Variants in MAS1 observed in about 807,000 individuals in gnomAD.
MAS1 encodes the protein MAS1 proto-oncogene, G protein-coupled receptor.
For missense variants in MAS1, 387 were observed against 409.7 expected (o/e 0.94, Z 0.48); for synonymous variants, 163 against 164.2 (o/e 0.99, Z 0.05).
chr6:159,889,032 G>A (rs1327742573), upstream of MAS1, among the ~76,000 whole-genome samples: 1 of 152,028 alleles, frequency 6.6e-6, no homozygotes, highest in African/African-American at 2.4e-5. Flanking sequence ...AAAACAACTG[G>A]GGCCTTCCGC....
At chr6:159,889,696 C>T (rs926783229), upstream of MAS1, among the ~76,000 whole-genome samples, 3 of 152,208 alleles carry the variant, frequency 2.0e-5, no homozygotes, top group Non-Finnish European at 2.9e-5. Flanking sequence ...CTTGGAGCAT[C>T]AGAACCAGGT....
Position 159,909,765 on chromosome 6 carries a change from G to T in MAS1, c.*1832G>T, listed in dbSNP as rs975823153. The T allele has an allele frequency of 6.6e-6, 1 of 152,088 alleles. No homozygotes were observed. Among genetic ancestry groups the T allele is most frequent in the Non-Finnish European group, 1.5e-5 (1 of 68,016 alleles). 9.4% of individuals were successfully genotyped at this position (152,088 alleles called of 1,614,324 possible). ...CTAAGGGGATCTTAGTCTCAAAGAG[G>T]ACCCTAAAGACTATCAGATACAAGG... is the stretch of plus-strand genomic sequence containing the variant. On this transcript the variant is annotated 3_prime_UTR_variant, in exon 3 of 3. Coordinates refer to ENST00000674077, the MANE Select transcript of MAS1 (RefSeq NM_002377.4).
rs1452345422 is a variant in MAS1 at position 159,913,617 on chromosome 6, A to G, written c.*5684A>G. 1 of 152,126 alleles carries G rather than the reference A, an allele frequency of 6.6e-6. No individual in the cohort carries two copies. The highest frequency in any genetic ancestry group is 1.5e-5 in the Non-Finnish European group (1 of 68,018). 9.4% of individuals were successfully genotyped at this position (152,126 alleles called of 1,614,324 possible). The stretch of plus-strand genomic sequence containing the variant: ...AAAGGTGGACCAGAGTTCCTACACA[A>G]GGCCCTTTGATGTGGTTTGGGTTTC... On this transcript the variant is annotated 3_prime_UTR_variant, in exon 3 of 3. Transcript: ENST00000674077.
chr6:159,889,496 G>C (rs1489703623), upstream of MAS1, among the ~76,000 whole-genome samples: 3 of 152,134 alleles, frequency 2.0e-5, no homozygotes, highest in Admixed American at 2.0e-4. Context: ...CTCCCCTGCT[G>C]GGATTGGAAG....
Position 159,906,731 on chromosome 6 carries a change from G to C in MAS1, c.-36-189G>C, listed in dbSNP as rs540703841. ...TTCAATCAGTTCTCAGTCTTATCAGGTCTAAGTTCCTTTCTTATCAGGTCC... is the reference window on the plus strand; with the variant it reads ...TTCAATCAGTTCTCAGTCTTATCAGCTCTAAGTTCCTTTCTTATCAGGTCC... On this transcript the variant is annotated intron_variant, in intron 2 of 2. Transcript: ENST00000674077. The C allele has an allele frequency of 5.0e-4, 258 of 515,022 alleles. 1 individual carries two copies. The highest frequency in any genetic ancestry group is 4.5e-3 in the African/African-American group (235 of 52,092). The allele number at this position is 515,022 out of a possible 1,614,324, so 31.9% of individuals were successfully genotyped here. A position where few individuals can be genotyped will look rare whatever the true frequency, so the allele number is the denominator to read the frequency against.
intron 1 of MAS1, among the ~76,000 whole-genome samples, chr6:159,898,564 TCCTCCTA>T (rs1438300579): frequency 7.2e-5 from 10 of 139,280 alleles, no homozygotes; most frequent in Non-Finnish European, 1.2e-4. Flanking sequence ...TGCCTCTTCC[TCCTCCTA>T]CCTCCTCTTC....
At chr6:159,895,432 G>T (rs552982133) in intron 1 of MAS1, among the ~76,000 whole-genome samples, 1 of 152,102 alleles carries the variant, frequency 6.6e-6, no homozygotes, top group Non-Finnish European at 1.5e-5. Flanking sequence ...ACTCCAAGCC[G>T]CATCCTTTCA....
chr6:159,906,149 A>C (rs1782883353), intron 2 of MAS1, among the ~76,000 whole-genome samples: 1 of 152,210 alleles, frequency 6.6e-6, no homozygotes, highest in Admixed American at 6.5e-5. Flanking sequence ...ACTAGAAAAA[A>C]AAATTTTTTT....
chr6:159,896,065 G>C (rs998750280), intron 1 of MAS1, among the ~76,000 whole-genome samples: 4 of 152,194 alleles, frequency 2.6e-5, no homozygotes, highest in Non-Finnish European at 2.9e-5. Flanking sequence ...TCCCAGCACT[G>C]CGGGAGGCCA....
rs1008672628 is a variant in MAS1 at position 159,910,213 on chromosome 6, G to A, written c.*2280G>A. The A allele has an allele frequency of 4.6e-5, 7 of 152,208 alleles. No individual in the cohort carries two copies. Among genetic ancestry groups the A allele is most frequent in the Non-Finnish European group, 7.4e-5 (5 of 68,026 alleles). The allele number at this position is 152,208 out of a possible 1,614,324, so 9.4% of individuals were successfully genotyped here. On this transcript the variant is annotated 3_prime_UTR_variant, in exon 3 of 3. Coordinates refer to ENST00000674077, the MANE Select transcript of MAS1 (RefSeq NM_002377.4). ...CCTAACTGAACGGGAAGGGTTTGTAGCATTCCTACTACAAAGATTCATGCA... is the reference window on the plus strand; with the variant it reads ...CCTAACTGAACGGGAAGGGTTTGTAACATTCCTACTACAAAGATTCATGCA...
In MAS1 at chr6:159,908,150, C is replaced by A; in HGVS notation, c.*217C>A. The stretch of plus-strand genomic sequence containing the variant: ...TTGACAAAGACTCTATTTCTTTCAG[C>A]TCTTTTGGCAGCATCTTACCATGAA... On this transcript the variant is annotated 3_prime_UTR_variant, in exon 3 of 3. Transcript: ENST00000674077. The A allele has an allele frequency of 2.2e-6, 1 of 456,718 alleles. No homozygotes were observed. Among genetic ancestry groups the A allele is most frequent in the Non-Finnish European group, 3.7e-6 (1 of 268,418 alleles). The allele number at this position is 456,718 out of a possible 1,614,324, so 28.3% of individuals were successfully genotyped here.
At chr6:159,904,527 C>T (rs1468179946) in intron 2 of MAS1, among the ~76,000 whole-genome samples, 1 of 152,190 alleles carries the variant, frequency 6.6e-6, no homozygotes, top group Non-Finnish European at 1.5e-5. Context: ...CCAGATAGTA[C>T]TACCTCTGCC....
rs1231117862 is a variant in MAS1 at position 159,915,340 on chromosome 6, C to T, written c.*7407C>T. On this transcript the variant is annotated 3_prime_UTR_variant, in exon 3 of 3. Coordinates refer to ENST00000674077, the MANE Select transcript of MAS1 (RefSeq NM_002377.4). ...CCCTGCCCCATAAACCTATAAATCC[C>T]AAATTTATTTATAATAGACAATCTT... is the stretch of plus-strand genomic sequence containing the variant. 1 of 152,174 alleles carries T rather than the reference C, an allele frequency of 6.6e-6. No individual in the cohort carries two copies. The highest frequency in any genetic ancestry group is 6.5e-5 in the Admixed American group (1 of 15,274). 9.4% of individuals were successfully genotyped at this position (152,174 alleles called of 1,614,324 possible).
intron 2 of MAS1, among the ~76,000 whole-genome samples, chr6:159,899,829 C>T (rs537575422): frequency 5.7e-4 from 86 of 152,164 alleles, no homozygotes; most frequent in Non-Finnish European, 1.0e-3. Context: ...GGGTGGATCA[C>T]GAGGTCAGGA....
intron 2 of MAS1, among the ~76,000 whole-genome samples, chr6:159,906,286 G>A (rs913270181): frequency 2.6e-5 from 4 of 152,146 alleles, no homozygotes; most frequent in African/African-American, 4.8e-5. Flanking sequence ...CCTGGCTTAC[G>A]TAGTCTGAGC....
At position 159,913,208 on chromosome 6, in the gene MAS1, C is replaced by A. The variant is rs963652218; in HGVS notation, c.*5275C>A. ...TGAAACCCCATCTCTGCTGAAAATA[C>A]AAAAATTAGCTGGGTGTGGTGGTGG... On this transcript the variant is annotated 3_prime_UTR_variant, in exon 3 of 3. Coordinates refer to ENST00000674077, the MANE Select transcript of MAS1 (RefSeq NM_002377.4). 6.6e-6 allele frequency: 1 copy of A among 152,032 alleles called. No individual in the cohort carries two copies. Among genetic ancestry groups the A allele is most frequent in the Non-Finnish European group, 1.5e-5 (1 of 68,020 alleles). 9.4% of individuals were successfully genotyped at this position (152,032 alleles called of 1,614,324 possible).
rs1366151326 is a variant in MAS1 at position 159,913,814 on chromosome 6, C to A, written c.*5881C>A. On this transcript the variant is annotated 3_prime_UTR_variant, in exon 3 of 3. Coordinates refer to ENST00000674077, the MANE Select transcript of MAS1 (RefSeq NM_002377.4). ...AACAATTTTCATGATTTTAATTTCA[C>A]TTTTTTCATGATTTTCTATGAAATT... The A allele has an allele frequency of 6.6e-6, 1 of 152,160 alleles. No individual in the cohort carries two copies. The highest frequency in any genetic ancestry group is 1.5e-5 in the Non-Finnish European group (1 of 68,034). 9.4% of individuals were successfully genotyped at this position (152,160 alleles called of 1,614,324 possible).
intron 1 of MAS1, among the ~76,000 whole-genome samples, chr6:159,893,685 G>A (rs1782725120): frequency 1.3e-5 from 2 of 152,140 alleles, no homozygotes; most frequent in Non-Finnish European, 2.9e-5. Context: ...AAAAGACATA[G>A]AAATACAGCC....
In MAS1 at chr6:159,910,120, T is replaced by C. The variant is rs1782948131; in HGVS notation, c.*2187T>C. On this transcript the variant is annotated 3_prime_UTR_variant, in exon 3 of 3. Coordinates refer to ENST00000674077, the MANE Select transcript of MAS1 (RefSeq NM_002377.4). Reference sequence around the variant, plus strand: ...TTCAGACAATTTGCCTAAGTCATTGTAGGTTACTAGGTGCCACTTCCGAGA... The same window carrying C: ...TTCAGACAATTTGCCTAAGTCATTGCAGGTTACTAGGTGCCACTTCCGAGA... 6.6e-6 allele frequency: 1 copy of C among 152,246 alleles called. No homozygotes were observed. Among genetic ancestry groups the C allele is most frequent in the East Asian group, 1.9e-4 (1 of 5,202 alleles). The allele number at this position is 152,246 out of a possible 1,614,324, so 9.4% of individuals were successfully genotyped here. A position where few individuals can be genotyped will look rare whatever the true frequency, so the allele number is the denominator to read the frequency against.
Sources: allele counts gnomAD v4.1 joint callset (sites outside exome capture counted in the v4.1 genomes callset), GRCh38; gene constraint gnomAD v4.1.1; transcripts MANE v1.5; gene names NCBI Gene and HGNC (gene_info 2026-07-23, HGNC 2026-07-21).